TENM4: variants seen among roughly 807,000 people sequenced by gnomAD.
TENM4 encodes the protein teneurin transmembrane protein 4, also known as teneurin-4.
In TENM4, 82 loss-of-function variants were observed where a neutral mutation model predicts 243.3. The observed-to-expected ratio is 0.34, with a 90% CI of 0.28 to 0.40. The LOEUF (loss-of-function observed/expected upper bound fraction) is 0.40. TENM4 is among the 10% of genes least tolerant of loss of function. The pLI is 1.00. For synonymous variants in TENM4, 1,412 were observed against 1,456.3 expected, an observed-to-expected ratio of 0.97 and a Z score of 0.69; for missense variants, 3,138 against 3,673.3, an observed-to-expected ratio of 0.85 and a Z score of 3.77.
chr11:79,305,692 C>CT (rs1856615216), intron 1 of TENM4, among the ~76,000 whole-genome samples: 1 of 152,360 alleles, frequency 6.6e-6, no homozygotes, highest in African/African-American at 2.4e-5. Flanking sequence ...CCACCAAAGG[C>CT]TTTTAAGCTG....
chr11:78,813,971 A>G (rs1857552826), intron 13 of TENM4, among the ~76,000 whole-genome samples: 2 of 152,122 alleles, frequency 1.3e-5, no homozygotes, highest in African/African-American at 4.8e-5. Context: ...TTGCTATAAG[A>G]GGAAATCAAC....
chr11:79,413,316 A>G (rs949884575), intron 1 of TENM4, among the ~76,000 whole-genome samples: 3 of 152,204 alleles, frequency 2.0e-5, no homozygotes, highest in Admixed American at 2.0e-4. Context: ...CTCCTTTGGG[A>G]AAACTCCCTG....
intron 4 of TENM4, among the ~76,000 whole-genome samples, chr11:79,144,596 C>T (rs1049267141): frequency 2.8e-4 from 42 of 151,988 alleles, no homozygotes; most frequent in Non-Finnish European, 5.4e-4. Flanking sequence ...TAATATTCAG[C>T]CATAAAAAAT....
At chr11:79,281,304 T>A (rs1201119312) in intron 2 of TENM4, among the ~76,000 whole-genome samples, 3 of 152,318 alleles carry the variant, frequency 2.0e-5, no homozygotes, top group South Asian at 2.1e-4. Context: ...AGTTCACTGA[T>A]TTGTCTACGG....
chr11:78,918,213 C>T (rs551348731), intron 6 of TENM4, among the ~76,000 whole-genome samples: 1 of 152,254 alleles, frequency 6.6e-6, no homozygotes, highest in Admixed American at 6.5e-5. Context: ...AGAATGTCCT[C>T]TTAAGTGCTG....
chr11:79,420,763 T>G (rs1342270503), intron 1 of TENM4, among the ~76,000 whole-genome samples: 1 of 152,058 alleles, frequency 6.6e-6, no homozygotes, highest in Non-Finnish European at 1.5e-5. Flanking sequence ...TGCTCACACA[T>G]CCACACAATA....
chr11:79,148,011 A>G (rs896085186), intron 4 of TENM4, among the ~76,000 whole-genome samples: 2 of 152,060 alleles, frequency 1.3e-5, no homozygotes, highest in Non-Finnish European at 1.5e-5. Flanking sequence ...CACCAAGCTC[A>G]GAATGATGAA....
At chr11:78,871,899 A>G (rs985725242) in intron 9 of TENM4, among the ~76,000 whole-genome samples, 6 of 152,196 alleles carry the variant, frequency 3.9e-5, no homozygotes, top group African/African-American at 1.4e-4. Context: ...TATTAAAGAA[A>G]CAACAGCTCC....
At chr11:79,092,301 T>C (rs1256316128) in intron 4 of TENM4, among the ~76,000 whole-genome samples, 2 of 152,208 alleles carry the variant, frequency 1.3e-5, no homozygotes, top group South Asian at 2.1e-4. Flanking sequence ...ATGCGTGAGA[T>C]GTTTACTGAG....
At chr11:78,749,735 T>C (rs1856138586) in intron 19 of TENM4, among the ~76,000 whole-genome samples, 1 of 152,192 alleles carries the variant, frequency 6.6e-6, no homozygotes, top group African/African-American at 2.4e-5. Context: ...TGCCTTTCTA[T>C]AGGGTGTGAA....
intron 20 of TENM4, among the ~76,000 whole-genome samples, chr11:78,734,757 G>A (rs1417905571): frequency 6.6e-6 from 1 of 152,108 alleles, no homozygotes; most frequent in African/African-American, 2.4e-5. Flanking sequence ...GCATGGCATT[G>A]CACTGTCATT....
At position 78,812,333 on chromosome 11, in the gene TENM4, G is replaced by A. The variant is rs202157735; in HGVS notation, c.1784-17C>T. The stretch of plus-strand genomic sequence containing the variant: ...GGCAGGAGGCTGGGGAGACAGCACC[G>A]GAGTCTGGCATGAATCAATGTCCAG... On this transcript the variant is annotated splice_polypyrimidine_tract_variant and intron_variant, in intron 13 of 33. Coordinates refer to ENST00000278550, the MANE Select transcript of TENM4 (RefSeq NM_001098816.3). 1.7e-3 allele frequency: 2,575 copies of A among 1,548,004 alleles called. 3 individuals carry two copies. Among genetic ancestry groups the A allele is most frequent in the Non-Finnish European group, 2.1e-3 (2,378 of 1,143,978 alleles).
At chr11:78,805,000 A>C (rs895360852) in intron 15 of TENM4, among the ~76,000 whole-genome samples, 1 of 152,190 alleles carries the variant, frequency 6.6e-6, no homozygotes, top group Admixed American at 6.5e-5. Flanking sequence ...ATGTCTTAAC[A>C]TGAGATGAGA....
intron 5 of TENM4, among the ~76,000 whole-genome samples, chr11:79,069,395 C>G (rs978225095): frequency 6.6e-6 from 1 of 152,190 alleles, no homozygotes; most frequent in African/African-American, 2.4e-5. Flanking sequence ...TTCTCACGGC[C>G]ATGTAACAGT....
intron 4 of TENM4, among the ~76,000 whole-genome samples, chr11:79,121,874 T>C (rs979847423): frequency 3.9e-5 from 6 of 152,190 alleles, no homozygotes. Context: ...TCTGAATCTA[T>C]AAAATGAGGA....
intron 7 of TENM4, among the ~76,000 whole-genome samples, chr11:78,900,275 A>G (rs1380617351): frequency 6.6e-6 from 1 of 152,222 alleles, no homozygotes; most frequent in African/African-American, 2.4e-5. Flanking sequence ...TAGAGATGAA[A>G]TTGAAGGTCT....
intron 28 of TENM4, among the ~76,000 whole-genome samples, chr11:78,693,015 C>CTG (rs1353911806): frequency 0.01 from 1,555 of 152,282 alleles, 28 homozygotes; most frequent in African/African-American, 0.036. Flanking sequence ...CTAATATAAG[C>CTG]TCCATGAGGA....
chr11:78,685,034 C>T (rs569072174), intron 29 of TENM4, among the ~76,000 whole-genome samples: 1 of 152,256 alleles, frequency 6.6e-6, no homozygotes, highest in East Asian at 1.9e-4. Context: ...CCCCCCACTC[C>T]CTCCTCTCTC....
chr11:78,907,404 T>A (rs1211128213), intron 6 of TENM4, among the ~76,000 whole-genome samples: 2 of 152,150 alleles, frequency 1.3e-5, no homozygotes, highest in Non-Finnish European at 2.9e-5. Flanking sequence ...GCCTATTCTG[T>A]GCCAAGTATT....
Sources: gnomAD v4.1 joint callset for allele counts (sites outside exome capture counted in the v4.1 genomes callset) on GRCh38, gnomAD v4.1.1 for gene constraint, MANE v1.5 for transcripts, NCBI Gene and HGNC (gene_info 2026-07-23, HGNC 2026-07-21) for gene names.